Variants in MGAT4C observed in about 807,000 individuals in gnomAD.
The protein encoded by MGAT4C is MGAT4 family member C.
A neutral mutation model predicts 40.1 loss-of-function variants in MGAT4C; 19 were observed. That is an observed-to-expected ratio of 0.47 (90% CI 0.33 to 0.70). The LOEUF is 0.70. MGAT4C is among the 30% of genes least tolerant of loss of function. The pLI, the probability that MGAT4C is intolerant of heterozygous loss-of-function variation, is 0.02. For missense variants in MGAT4C, 491 were observed against 563.2 expected (o/e 0.87, Z 1.30); for synonymous variants, 181 against 187.1 (o/e 0.97, Z 0.27).
chr12:86,281,691 A>G (rs977060834), intron 4 of MGAT4C, among the ~76,000 whole-genome samples: 1 of 151,914 alleles, frequency 6.6e-6, no homozygotes, highest in Non-Finnish European at 1.5e-5. Context: ...TGTTTTTTGT[A>G]TAAACTCCAA....
intron 2 of MGAT4C, among the ~76,000 whole-genome samples, chr12:86,526,385 C>A (rs1363962143): frequency 6.6e-6 from 1 of 152,014 alleles, no homozygotes; most frequent in Non-Finnish European, 1.5e-5. Flanking sequence ...AGAAAAGCAA[C>A]ACACACACAC....
chr12:86,469,563 A>G (rs536505623), intron 2 of MGAT4C, among the ~76,000 whole-genome samples: 1 of 152,172 alleles, frequency 6.6e-6, no homozygotes, highest in African/African-American at 2.4e-5. Context: ...TCTTGTTAAC[A>G]GTCATGTGAA....
chr12:86,059,125 A>T (rs1386068875), intron 1 of MGAT4C, among the ~76,000 whole-genome samples: 1 of 152,018 alleles, frequency 6.6e-6, no homozygotes, highest in Non-Finnish European at 1.5e-5. Flanking sequence ...GCTTACTGCA[A>T]CCTCCACCTC....
chr12:86,016,311 A>C (rs1889083101), intron 2 of MGAT4C: 1 of 152,190 alleles, frequency 6.6e-6, no homozygotes, highest in African/African-American at 2.4e-5. Context: ...GAGCCAGAAG[A>C]TTTTCAAATA....
intron 2 of MGAT4C, among the ~76,000 whole-genome samples, chr12:86,008,751 T>A (rs902953032): frequency 4.6e-5 from 7 of 152,150 alleles, no homozygotes; most frequent in Admixed American, 3.9e-4. Flanking sequence ...TTCTTACAGA[T>A]GCACCTTATC....
chr12:86,625,147 G>A (rs930874700), intron 2 of MGAT4C, among the ~76,000 whole-genome samples: 2 of 151,924 alleles, frequency 1.3e-5, no homozygotes, highest in Non-Finnish European at 2.9e-5. Context: ...CTTTTTAAAG[G>A]GGCTCTTCCC....
At chr12:86,540,093 G>A (rs911984212) in intron 2 of MGAT4C, among the ~76,000 whole-genome samples, 2 of 152,126 alleles carry the variant, frequency 1.3e-5, no homozygotes, top group African/African-American at 4.8e-5. Flanking sequence ...TGAAGTCCTT[G>A]CCCATGCCTA....
intron 2 of MGAT4C, among the ~76,000 whole-genome samples, chr12:86,449,415 TAG>T (rs1323656935): frequency 6.6e-6 from 1 of 152,206 alleles, no homozygotes; most frequent in African/African-American, 2.4e-5. Flanking sequence ...TTTTTATTTT[TAG>T]AGAGGTAAAA....
chr12:86,486,797 A>C (rs1413845705), intron 2 of MGAT4C, among the ~76,000 whole-genome samples: 1 of 152,156 alleles, frequency 6.6e-6, no homozygotes, highest in Non-Finnish European at 1.5e-5. Flanking sequence ...TGCCCACAAA[A>C]CATTCTTATT....
intron 2 of MGAT4C, among the ~76,000 whole-genome samples, chr12:86,456,315 C>T (rs1957511239): frequency 6.6e-6 from 1 of 151,990 alleles, no homozygotes; most frequent in South Asian, 2.1e-4. Context: ...GGAAGAGCCA[C>T]ATAATCAACG....
intron 2 of MGAT4C, among the ~76,000 whole-genome samples, chr12:86,510,230 C>A (rs566158463): frequency 6.6e-6 from 1 of 151,994 alleles, no homozygotes; most frequent in South Asian, 2.1e-4. Flanking sequence ...TTTTGAGATC[C>A]GTCCCATCAA....
At chr12:86,691,473 G>A (rs1282545895) in intron 2 of MGAT4C, among the ~76,000 whole-genome samples, 1 of 152,194 alleles carries the variant, frequency 6.6e-6, no homozygotes, top group East Asian at 1.9e-4. Context: ...AGACAACCTG[G>A]TAAATATCTT....
chr12:86,386,767 C>T (rs1176018211), intron 3 of MGAT4C, among the ~76,000 whole-genome samples: 2 of 152,012 alleles, frequency 1.3e-5, no homozygotes, highest in African/African-American at 4.8e-5. Context: ...TCTCAGTGGA[C>T]TTTAGTGGAA....
chr12:86,002,989 T>C (rs1887501952), intron 2 of MGAT4C, among the ~76,000 whole-genome samples: 1 of 151,936 alleles, frequency 6.6e-6, no homozygotes, highest in Admixed American at 6.6e-5. Context: ...TGTTTAGAGA[T>C]GGGGTCTCAC....
chr12:86,178,889 C>A (rs1341613601), intron 1 of MGAT4C, among the ~76,000 whole-genome samples: 2 of 152,162 alleles, frequency 1.3e-5, no homozygotes, highest in Non-Finnish European at 2.9e-5. Flanking sequence ...CTGCTGTGAT[C>A]TTTATGATTT....
chr12:86,038,666 C>T (rs542135128), intron 2 of MGAT4C, among the ~76,000 whole-genome samples: 15 of 149,600 alleles, frequency 1.0e-4, no homozygotes, highest in South Asian at 8.4e-4. Flanking sequence ...TACAGCACAC[C>T]GATGGGTCTT....
rs561781588 is a variant in MGAT4C at position 86,488,726 on chromosome 12, G to T, written c.-228-53461C>A. Among the ~76,000 whole-genome samples the T allele has an allele frequency of 3.3e-3, 501 of 152,152 alleles. 2 individuals carry two copies. The highest frequency in any genetic ancestry group is 0.012 in the African/African-American group (484 of 41,516). On this transcript the variant is annotated intron_variant, in intron 2 of 7. Coordinates refer to the MGAT4C transcript ENST00000548651. ...CAACATTGCACCCAAGAACTTTCAA[G>T]CATAACAGTCCTTCTTAACATTAAG...
At chr12:86,683,156 A>G (rs1260525010) in intron 2 of MGAT4C, among the ~76,000 whole-genome samples, 1 of 152,134 alleles carries the variant, frequency 6.6e-6, no homozygotes, top group Non-Finnish European at 1.5e-5. Context: ...TGAAATTGAC[A>G]TAAAATACCT....
chr12:86,585,076 T>C (rs2136438684), intron 2 of MGAT4C, among the ~76,000 whole-genome samples: 1 of 151,572 alleles, frequency 6.6e-6, no homozygotes, highest in Non-Finnish European at 1.5e-5. Flanking sequence ...GTTATTTGAA[T>C]TGCTTATCAC....
Sources: gnomAD v4.1 joint callset for allele counts (sites outside exome capture counted in the v4.1 genomes callset) on GRCh38, gnomAD v4.1.1 for gene constraint, MANE v1.5 for transcripts, NCBI Gene and HGNC (gene_info 2026-07-23, HGNC 2026-07-21) for gene names.